MAGI1: variants seen among roughly 807,000 people sequenced by gnomAD.
MAGI1 encodes the protein membrane associated guanylate kinase, WW and PDZ domain containing 1, also known as membrane-associated guanylate kinase, WW and PDZ domain-containing protein 1.
A neutral mutation model predicts 139.9 loss-of-function variants in MAGI1; 58 were observed. The ratio of observed to expected loss-of-function variants is 0.41; its 90% CI spans 0.34 to 0.52. The LOEUF (loss-of-function observed/expected upper bound fraction) is 0.52. Ranked by LOEUF, MAGI1 falls within the 20% of genes least tolerant of loss-of-function variation. The pLI is 0.12. For synonymous variants in MAGI1, 812 were observed against 737.9 expected (o/e 1.10, Z -1.63); for missense variants, 1,874 against 1,901.6 (o/e 0.99, Z 0.27).
chr3:65,728,144 G>C (rs1431040278), intron 1 of MAGI1, among the ~76,000 whole-genome samples: 1 of 152,148 alleles, frequency 6.6e-6, no homozygotes, highest in South Asian at 2.1e-4. Context: ...CTAAGGAGGT[G>C]GCATAGGAAC....
At chr3:65,794,796 T>C (rs1009643003) in intron 1 of MAGI1, among the ~76,000 whole-genome samples, 3 of 150,510 alleles carry the variant, frequency 2.0e-5, no homozygotes, top group Non-Finnish European at 2.9e-5. Context: ...TTATGTAATA[T>C]GTTCAATAAA....
At chr3:65,959,357 A>G (rs2064293573) in intron 1 of MAGI1, among the ~76,000 whole-genome samples, 1 of 152,016 alleles carries the variant, frequency 6.6e-6, no homozygotes. Context: ...CAATGATTTA[A>G]TTCAGTACAA....
chr3:66,017,231 GAGTT>G (rs2107532605), intron 1 of MAGI1, among the ~76,000 whole-genome samples: 1 of 152,336 alleles, frequency 6.6e-6, no homozygotes, highest in African/African-American at 2.4e-5. Flanking sequence ...GAGAAAGTAG[GAGTT>G]AGTCAGTGCG....
At chr3:65,855,019 G>T (rs1351823609) in intron 1 of MAGI1, among the ~76,000 whole-genome samples, 1 of 152,204 alleles carries the variant, frequency 6.6e-6, no homozygotes, top group Non-Finnish European at 1.5e-5. Context: ...GGGGATGGAT[G>T]GTGCTGGCTG....
At chr3:65,995,227 A>G (rs2066378863) in intron 1 of MAGI1, among the ~76,000 whole-genome samples, 1 of 152,224 alleles carries the variant, frequency 6.6e-6, no homozygotes, top group South Asian at 2.1e-4. Flanking sequence ...ACATTTCCAT[A>G]AAGGTGCTGA....
At position 65,819,875 on chromosome 3, in the gene MAGI1, C is replaced by CAAAAAAAAAAAAAAAAAAAAAA. The variant is rs3077818; in HGVS notation, c.314-197809_314-197788dup. On this transcript the variant is annotated intron_variant, in intron 1 of 22. Coordinates refer to ENST00000402939, the MANE Select transcript of MAGI1 (RefSeq NM_001033057.2). The stretch of plus-strand genomic sequence containing the variant: ...CTAGCCACAGAGCAAGACTCCATCT[C>CAAAAAAAAAAAAAAAAAAAAAA]AAAAAAAAAAAAAAAAAAAAAAGGA... 5.3e-3 allele frequency among the ~76,000 whole-genome samples: 178 copies of CAAAAAAAAAAAAAAAAAAAAAA among 33,456 alleles called. 22 individuals carry two copies. Among genetic ancestry groups the CAAAAAAAAAAAAAAAAAAAAAA allele is most frequent in the East Asian group, 9.8e-3 (11 of 1,122 alleles). 21.9% of individuals were successfully genotyped at this position (33,456 alleles called of 152,430 possible).
intron 12 of MAGI1, among the ~76,000 whole-genome samples, chr3:65,407,523 G>A (rs958501820): frequency 3.3e-5 from 5 of 151,026 alleles, no homozygotes; most frequent in African/African-American, 4.9e-5. Flanking sequence ...ATATCAATAC[G>A]ATGAAAAATT....
intron 1 of MAGI1, among the ~76,000 whole-genome samples, chr3:65,691,302 CAAAA>C (rs752329892): frequency 1.3e-5 from 1 of 74,720 alleles, no homozygotes; most frequent in South Asian, 3.8e-4. Context: ...GACTCCGTCT[CAAAA>C]AAAAAAAAAG....
intron 1 of MAGI1, among the ~76,000 whole-genome samples, chr3:65,640,901 T>G (rs2084944836): frequency 6.6e-6 from 1 of 152,164 alleles, no homozygotes; most frequent in Admixed American, 6.5e-5. Context: ...TGAAACAAAC[T>G]GAAATAGGTC....
At chr3:65,996,924 G>T (rs75571014) in intron 1 of MAGI1, among the ~76,000 whole-genome samples, 1 of 152,294 alleles carries the variant, frequency 6.6e-6, no homozygotes, top group Non-Finnish European at 1.5e-5. Context: ...TGTCATACAC[G>T]AATGACGTCA....
At chr3:65,798,461 C>G (rs1472613203) in intron 1 of MAGI1, among the ~76,000 whole-genome samples, 1 of 152,184 alleles carries the variant, frequency 6.6e-6, no homozygotes, top group Non-Finnish European at 1.5e-5. Context: ...CAAAGACACT[C>G]TGAAGTTCCA....
At chr3:65,600,657 G>A (rs952275232) in intron 2 of MAGI1, among the ~76,000 whole-genome samples, 21 of 152,222 alleles carry the variant, frequency 1.4e-4, no homozygotes, top group African/African-American at 4.3e-4. Flanking sequence ...AGAGCCAAGG[G>A]CAAGCTATGG....
chr3:65,595,314 A>G lies in MAGI1; in HGVS notation c.430+26658T>C, dbSNP rs185012255. On this transcript the variant is annotated intron_variant, in intron 2 of 22. Coordinates refer to ENST00000402939, the MANE Select transcript of MAGI1 (RefSeq NM_001033057.2). ...ACACAAGAATGTCAAAGATCCATAC[A>G]ACTGTTTATCACAAAAACAGTCTTG... Among the ~76,000 whole-genome samples, 387 of 152,330 alleles carry G rather than the reference A, an allele frequency of 2.5e-3. 2 individuals carry two copies. The highest frequency in any genetic ancestry group is 3.4e-3 in the Middle Eastern group (1 of 294).
chr3:65,563,717 C>G (rs116621195), intron 2 of MAGI1, among the ~76,000 whole-genome samples: 1 of 152,118 alleles, frequency 6.6e-6, no homozygotes, highest in Non-Finnish European at 1.5e-5. Context: ...GGTAAGGTTA[C>G]TCTGCTCTCT....
chr3:65,942,326 A>G (rs1241857902), intron 1 of MAGI1, among the ~76,000 whole-genome samples: 1 of 152,174 alleles, frequency 6.6e-6, no homozygotes, highest in Non-Finnish European at 1.5e-5. Flanking sequence ...TGGCTTTCAC[A>G]TGCTTTGCCC....
chr3:65,746,233 A>C (rs1019719135), intron 1 of MAGI1, among the ~76,000 whole-genome samples: 1 of 150,500 alleles, frequency 6.6e-6, no homozygotes, highest in Non-Finnish European at 1.5e-5. Context: ...ACAGGGTTTT[A>C]ATATGTTGGC....
intron 1 of MAGI1, among the ~76,000 whole-genome samples, chr3:66,000,809 G>T (rs2066701941): frequency 6.6e-6 from 1 of 152,190 alleles, no homozygotes; most frequent in East Asian, 1.9e-4. Context: ...TTTTACAGAA[G>T]GGCAGCAATT....
intron 1 of MAGI1, among the ~76,000 whole-genome samples, chr3:65,636,773 C>T (rs79806199): frequency 6.6e-6 from 1 of 152,004 alleles, no homozygotes; most frequent in Non-Finnish European, 1.5e-5. Context: ...TGTCATTTAA[C>T]ATATCCAGAG....
chr3:65,445,372 A>G (rs1237413488), intron 7 of MAGI1, among the ~76,000 whole-genome samples: 1 of 152,216 alleles, frequency 6.6e-6, no homozygotes, highest in East Asian at 1.9e-4. Context: ...CTGTTCCAGG[A>G]AAGCACAAAA....
Sources: gnomAD v4.1 joint callset for allele counts (sites outside exome capture counted in the v4.1 genomes callset) on GRCh38, gnomAD v4.1.1 for gene constraint, MANE v1.5 for transcripts, NCBI Gene and HGNC (gene_info 2026-07-23, HGNC 2026-07-21) for gene names.